Variants in STAT5B observed in about 807,000 individuals in gnomAD.
The protein encoded by STAT5B is signal transducer and activator of transcription 5B.
In STAT5B, 21 loss-of-function variants were observed where a neutral mutation model predicts 107.8. The ratio of observed to expected loss-of-function variants is 0.19; its 90% confidence interval spans 0.14 to 0.28. The LOEUF (loss-of-function observed/expected upper bound fraction) is 0.28, where lower values mean the gene tolerates loss of function less well. Ranked by LOEUF, STAT5B falls within the 10% of genes least tolerant of loss-of-function variation. The pLI, the probability that STAT5B is intolerant of heterozygous loss-of-function variation, is 1.00. For synonymous variants in STAT5B, 325 were observed against 401.7 expected, an observed-to-expected ratio of 0.81 and a Z score of 2.28; for missense variants, 565 against 1,008.2, an observed-to-expected ratio of 0.56 and a Z score of 5.95.
chr17:42,274,123 A>G (rs1464495416), intron 1 of STAT5B, among the ~76,000 whole-genome samples: 1 of 152,132 alleles, frequency 6.6e-6, no homozygotes, highest in Non-Finnish European at 1.5e-5. Flanking sequence ...GGCAAAAAAT[A>G]CAAGCACCGA....
chr17:42,218,275 C>A lies in STAT5B; in HGVS notation c.1045G>T (p.Ala349Ser). The A allele has an allele frequency of 6.2e-7, 1 of 1,614,052 alleles. No homozygotes were observed. Among genetic ancestry groups the A allele is most frequent in the Non-Finnish European group, 8.5e-7 (1 of 1,180,028 alleles). Residue 349 changes from alanine to serine, a missense_variant, in exon 9 of 19, where the codon GCA becomes TCA. Transcript: ENST00000293328. ...CCCACCAGCAGGCGCACAGTGGCTG[C>A]AAACTTGGTCTGGGTCTTCAGGACC... ...PQVLKTQTKF[A>S]ATVRLLVGGK...
chr17:42,277,127 A>T (rs2080773311), upstream of STAT5B, among the ~76,000 whole-genome samples: 1 of 152,140 alleles, frequency 6.6e-6, no homozygotes, highest in Admixed American at 6.5e-5. Context: ...GATCCAGGGG[A>T]AGGGGGTCCC....
upstream of STAT5B, among the ~76,000 whole-genome samples, chr17:42,281,676 C>G (rs993528243): frequency 5.3e-5 from 8 of 152,128 alleles, no homozygotes; most frequent in Non-Finnish European, 7.4e-5. Context: ...CCTGGAGAGT[C>G]TCACACACCT....
the STAT5B span, among the ~76,000 whole-genome samples, chr17:42,286,136 G>A: frequency 6.6e-6 from 1 of 151,848 alleles, no homozygotes; most frequent in African/African-American, 2.4e-5. Flanking sequence ...GGGAGGCTGA[G>A]GTAGGAGAAT....
At chr17:42,280,901 G>A (rs548544413), upstream of STAT5B, among the ~76,000 whole-genome samples, 11 of 152,234 alleles carry the variant, frequency 7.2e-5, no homozygotes, top group African/African-American at 2.4e-4. Context: ...TTGGGAGGCC[G>A]AGGCGGGTGG....
rs1598291488 is a variant in STAT5B at position 42,201,642 on chromosome 17, T to C, written c.*96A>G. ...GTATTAACACTTCACATTATGAGTA[T>C]TGTTTCAAAAGAGAAGCGATTCATG... On this transcript the variant is annotated 3_prime_UTR_variant, in exon 19 of 19. Coordinates refer to ENST00000293328, the MANE Select transcript of STAT5B (RefSeq NM_012448.4). 10 of 894,498 alleles carry C rather than the reference T, an allele frequency of 1.1e-5. No homozygotes were observed. The highest frequency in any genetic ancestry group is 9.8e-5 in the East Asian group (4 of 40,988). 55.4% of individuals were successfully genotyped at this position (894,498 alleles called of 1,614,324 possible).
At chr17:42,212,328 T>G (rs751853035) in intron 12 of STAT5B, 138 bp from the exon 13 acceptor site, 82 of 1,408,692 alleles carry the variant, frequency 5.8e-5, no homozygotes, top group Non-Finnish European at 7.6e-5. Context: ...ATTCAGACTC[T>G]GCTGGGGTAC....
At chr17:42,202,493 G>A in intron 17 of STAT5B, 46 bp from the exon 18 acceptor site, 1 of 1,607,142 alleles carries the variant, frequency 6.2e-7, no homozygotes, top group Admixed American at 1.7e-5. Flanking sequence ...GGAGGCCAGG[G>A]CAGCTGACTT....
intron 9 of STAT5B, 175 bp from the exon 10 acceptor site, chr17:42,217,639 A>G: frequency 1.4e-6 from 1 of 692,026 alleles, no homozygotes; most frequent in Non-Finnish European, 2.5e-6. Context: ...GTATCTCTAC[A>G]AAATGAAACA....
At chr17:42,233,237 G>A (rs565371232) in intron 1 of STAT5B, among the ~76,000 whole-genome samples, 1 of 152,252 alleles carries the variant, frequency 6.6e-6, no homozygotes, top group African/African-American at 2.4e-5. Flanking sequence ...TAAAAGAAAA[G>A]TGAAAATATC....
chr17:42,219,496 G>A, intron 6 of STAT5B, 33 bp from the exon 7 acceptor site: 1 of 1,285,350 alleles, frequency 7.8e-7, no homozygotes, highest in Non-Finnish European at 1.1e-6. Context: ...CCCCTTCTGG[G>A]CTCCCAGAGA....
At chr17:42,279,676 C>G (rs1010954084), upstream of STAT5B, among the ~76,000 whole-genome samples, 1 of 152,028 alleles carries the variant, frequency 6.6e-6, no homozygotes, top group East Asian at 1.9e-4. Flanking sequence ...GATTACATGC[C>G]TGTAATCCCA....
chr17:42,262,997 TATATATATATATATATATAA>T (rs1364205750), intron 1 of STAT5B, among the ~76,000 whole-genome samples: 2,110 of 64,282 alleles, frequency 0.033, 100 homozygotes, highest in African/African-American at 0.072. Flanking sequence ...TATATATATA[TATATATATATATATATATAA>T]AAAAACAAAA....
chr17:42,245,129 GT>G (rs2080440555), intron 1 of STAT5B, among the ~76,000 whole-genome samples: 1 of 145,322 alleles, frequency 6.9e-6, no homozygotes, highest in Non-Finnish European at 1.5e-5. Context: ...CCAGGTTGGA[GT>G]GCAGTGGCGC....
At chr17:42,237,814 T>A (rs911474043) in intron 1 of STAT5B, among the ~76,000 whole-genome samples, 4 of 152,164 alleles carry the variant, frequency 2.6e-5, no homozygotes, top group African/African-American at 7.2e-5. Context: ...GTGCCTCAGT[T>A]TTCTTATTTG....
In STAT5B at chr17:42,199,829, C is replaced by A. The variant is rs1182971164; in HGVS notation, c.*1909G>T. Reference sequence around the variant, plus strand: ...CTCCCAACCTGAAAGTGTATCAAGTCTGACCCCCCAACCAGGGTTGCTGGA... The same window carrying A: ...CTCCCAACCTGAAAGTGTATCAAGTATGACCCCCCAACCAGGGTTGCTGGA... On this transcript the variant is annotated 3_prime_UTR_variant, in exon 19 of 19. Coordinates refer to ENST00000293328, the MANE Select transcript of STAT5B (RefSeq NM_012448.4). 1 of 152,414 alleles carries A rather than the reference C, an allele frequency of 6.6e-6. No individual in the cohort carries two copies. The highest frequency in any genetic ancestry group is 1.5e-5 in the Non-Finnish European group (1 of 68,092). 9.4% of individuals were successfully genotyped at this position (152,414 alleles called of 1,614,324 possible). A position where few individuals can be genotyped will look rare whatever the true frequency, so the allele number is the denominator to read the frequency against.
intron 1 of STAT5B, among the ~76,000 whole-genome samples, chr17:42,239,444 AATT>A (rs1311813896): frequency 8.5e-5 from 13 of 152,156 alleles, no homozygotes; most frequent in Non-Finnish European, 1.6e-4. Flanking sequence ...CTGCTTTATG[AATT>A]ATTAGCAACA....
chr17:42,233,356 G>A (rs982926743), intron 1 of STAT5B, among the ~76,000 whole-genome samples: 5 of 152,216 alleles, frequency 3.3e-5, no homozygotes, highest in Admixed American at 2.6e-4. Flanking sequence ...TTCACCTCCT[G>A]AGTTACTGCT....
the STAT5B span, among the ~76,000 whole-genome samples, chr17:42,286,248 A>C: frequency 2.0e-5 from 3 of 151,586 alleles, no homozygotes; most frequent in East Asian, 3.9e-4. Flanking sequence ...AAAAAAAAAA[A>C]AAAAAAACCC....
Sources: allele counts gnomAD v4.1 joint callset (sites outside exome capture counted in the v4.1 genomes callset), GRCh38; gene constraint gnomAD v4.1.1; transcripts MANE v1.5; gene names NCBI Gene and HGNC (gene_info 2026-07-23, HGNC 2026-07-21).